The following DOCK3 variants were observed in gnomAD, a reference collection of about 807,000 sequenced individuals.
DOCK3 encodes the protein dedicator of cytokinesis 3.
Under a neutral mutation model 265.6 loss-of-function variants are expected in DOCK3, and 60 were observed. That is an observed-to-expected ratio of 0.23 (90% CI 0.18 to 0.28). The LOEUF (loss-of-function observed/expected upper bound fraction) is 0.28, where lower values mean the gene tolerates loss of function less well. Among genes scored for constraint, DOCK3 ranks in the 10% least tolerant of loss-of-function variants. The probability of loss-of-function intolerance (pLI) is 1.00; values close to 1 mark genes in which losing one functional copy is unlikely to be tolerated. For synonymous variants in DOCK3, 881 were observed against 938.0 expected, an observed-to-expected ratio of 0.94 and a Z score of 1.11; for missense variants, 1,981 against 2,594.3, an observed-to-expected ratio of 0.76 and a Z score of 5.14.
At chr3:51,015,598 A>T in intron 5 of DOCK3, among the ~76,000 whole-genome samples, 1 of 148,138 alleles carries the variant, frequency 6.8e-6, no homozygotes, top group South Asian at 2.1e-4. Flanking sequence ...TTATTTTTTG[A>T]TGTGTCTTTG....
chr3:51,008,300 T>C (rs2078773627), intron 5 of DOCK3, among the ~76,000 whole-genome samples: 3 of 152,202 alleles, frequency 2.0e-5, no homozygotes, highest in Admixed American at 2.0e-4. Context: ...TTTATTTCAT[T>C]GAGCAGTGGT....
intron 5 of DOCK3, among the ~76,000 whole-genome samples, chr3:50,975,508 A>G (rs1156242713): frequency 6.6e-6 from 1 of 151,212 alleles, no homozygotes; most frequent in Non-Finnish European, 1.5e-5. Flanking sequence ...ATCATGGTGG[A>G]TAAGCTTTTT....
chr3:50,804,223 C>T (rs1471561638), intron 2 of DOCK3, among the ~76,000 whole-genome samples: 4 of 151,620 alleles, frequency 2.6e-5, no homozygotes, highest in Non-Finnish European at 4.4e-5. Flanking sequence ...GATAGGATGG[C>T]GGCCGGGAAG....
At chr3:51,322,177 A>G (rs931940284) in intron 32 of DOCK3, among the ~76,000 whole-genome samples, 8 of 152,172 alleles carry the variant, frequency 5.3e-5, no homozygotes, top group African/African-American at 1.9e-4. Context: ...GTGGGGGCCA[A>G]TATTCAACAT....
intron 37 of DOCK3, among the ~76,000 whole-genome samples, chr3:51,340,933 A>G (rs887998002): frequency 2.0e-5 from 3 of 152,216 alleles, no homozygotes; most frequent in African/African-American, 7.2e-5. Context: ...CTCCCAAAGC[A>G]AGGCAGCCTG....
chr3:50,819,021 GT>G (rs5848882), intron 2 of DOCK3, among the ~76,000 whole-genome samples: 114,908 of 152,000 alleles, frequency 0.76, 44,595 homozygotes, highest in Middle Eastern at 0.88. Flanking sequence ...GATATTATTT[GT>G]TTTTTAAAAA....
intron 1 of DOCK3, among the ~76,000 whole-genome samples, chr3:50,749,670 A>G (rs950923033): frequency 1.3e-5 from 2 of 152,140 alleles, no homozygotes; most frequent in Non-Finnish European, 2.9e-5. Flanking sequence ...ACTCCTTATC[A>G]TCTAGTAACT....
At position 51,186,003 on chromosome 3, in the gene DOCK3, G is replaced by A. The variant is rs184703285; in HGVS notation, c.1038-22771G>A. On this transcript the variant is annotated intron_variant, in intron 12 of 52. Transcript: ENST00000266037. ...ACAATAAATTGGTACCAGTAGAGTC[G>A]GGCACTGCTGAAAAGATACCTAAAA... is the stretch of plus-strand genomic sequence containing the variant. 2.6e-5 allele frequency among the ~76,000 whole-genome samples: 4 copies of A among 152,026 alleles called. 1 individual carries two copies. The highest frequency in any genetic ancestry group is 4.1e-4 in the South Asian group (2 of 4,824).
At chr3:50,722,832 C>T (rs1189541841) in intron 1 of DOCK3, among the ~76,000 whole-genome samples, 1 of 143,998 alleles carries the variant, frequency 6.9e-6, no homozygotes, top group Non-Finnish European at 1.5e-5. Flanking sequence ...AGTGCAGTGG[C>T]ATGATCTCGG....
chr3:51,126,209 C>T (rs2084257729), intron 9 of DOCK3, among the ~76,000 whole-genome samples: 1 of 152,160 alleles, frequency 6.6e-6, no homozygotes, highest in Non-Finnish European at 1.5e-5. Flanking sequence ...ATCATTATTT[C>T]AGCATGCCAT....
intron 1 of DOCK3, among the ~76,000 whole-genome samples, chr3:50,741,071 T>G (rs1326479680): frequency 6.6e-6 from 1 of 151,908 alleles, no homozygotes; most frequent in Non-Finnish European, 1.5e-5. Context: ...TTGTTTCACT[T>G]AGCATAGTGT....
chr3:50,818,390 G>A (rs1045829194), intron 2 of DOCK3, among the ~76,000 whole-genome samples: 1 of 152,150 alleles, frequency 6.6e-6, no homozygotes, highest in Non-Finnish European at 1.5e-5. Context: ...TGTCTTTTGG[G>A]TCTTACACTT....
At chr3:51,124,979 A>C (rs1224066806) in intron 9 of DOCK3, among the ~76,000 whole-genome samples, 1 of 151,868 alleles carries the variant, frequency 6.6e-6, no homozygotes, top group Non-Finnish European at 1.5e-5. Flanking sequence ...AAAAAAAAAA[A>C]AAAAAAAAAA....
intron 2 of DOCK3, among the ~76,000 whole-genome samples, chr3:50,837,702 G>A (rs1576598446): frequency 6.6e-6 from 1 of 152,156 alleles, no homozygotes; most frequent in East Asian, 1.9e-4. Context: ...ATTGGAGATG[G>A]CCTTTCTGAG....
chr3:51,092,034 G>A (rs115472417), intron 9 of DOCK3, among the ~76,000 whole-genome samples: 7 of 152,320 alleles, frequency 4.6e-5, no homozygotes, highest in Non-Finnish European at 5.9e-5. Context: ...TCCCTCTGGT[G>A]CCTAACACAT....
At chr3:50,722,453 G>A (rs971121078) in intron 1 of DOCK3, among the ~76,000 whole-genome samples, 1 of 152,168 alleles carries the variant, frequency 6.6e-6, no homozygotes, top group African/African-American at 2.4e-5. Flanking sequence ...AAGCACTGGT[G>A]AAATAAATCA....
chr3:50,845,551 A>G (rs2107311083), intron 3 of DOCK3, among the ~76,000 whole-genome samples: 1 of 152,262 alleles, frequency 6.6e-6, no homozygotes, highest in South Asian at 2.1e-4. Flanking sequence ...AGAGTGATGG[A>G]TGGTAAGGCA....
chr3:50,820,786 G>C (rs1276179801), intron 2 of DOCK3, among the ~76,000 whole-genome samples: 1 of 146,244 alleles, frequency 6.8e-6, no homozygotes, highest in Non-Finnish European at 1.5e-5. Context: ...ATCAAAAAGT[G>C]TATAAATGTT....
At chr3:50,933,901 C>T in intron 4 of DOCK3, 80 bp from the exon 5 acceptor site, 1 of 886,648 alleles carries the variant, frequency 1.1e-6, no homozygotes, top group Non-Finnish European at 1.7e-6. Context: ...TTGAGTTAAA[C>T]AAGTAGAAAA....
Sources: allele counts gnomAD v4.1 joint callset (sites outside exome capture counted in the v4.1 genomes callset), GRCh38; gene constraint gnomAD v4.1.1; transcripts MANE v1.5; gene names NCBI Gene and HGNC (gene_info 2026-07-23, HGNC 2026-07-21).